ASTN2: variants seen among roughly 807,000 people sequenced by gnomAD.
The protein encoded by ASTN2 is astrotactin-2.
In ASTN2, 54 loss-of-function variants were observed where a neutral mutation model predicts 139.8. The ratio of observed to expected loss-of-function variants is 0.39; its 90% CI spans 0.31 to 0.48. The LOEUF (loss-of-function observed/expected upper bound fraction) is 0.48. Ranked by LOEUF, ASTN2 falls within the 20% of genes least tolerant of loss-of-function variation. The pLI is 0.95. For synonymous variants in ASTN2, 756 were observed against 719.5 expected, an observed-to-expected ratio of 1.05 and a Z score of -0.81; for missense variants, 1,565 against 1,725.1, an observed-to-expected ratio of 0.91 and a Z score of 1.64.
At chr9:116,685,929 A>C (rs1021325912) in intron 16 of ASTN2, among the ~76,000 whole-genome samples, 49 of 152,062 alleles carry the variant, frequency 3.2e-4, no homozygotes, top group Non-Finnish European at 7.1e-4. Flanking sequence ...AACAGTCCTA[A>C]ATTTATACTT....
chr9:117,401,476 C>T (rs1468918682), intron 1 of ASTN2, among the ~76,000 whole-genome samples: 1 of 152,076 alleles, frequency 6.6e-6, no homozygotes, highest in Non-Finnish European at 1.5e-5. Context: ...TAGGATTTTG[C>T]AGACACTGAA....
intron 2 of ASTN2, among the ~76,000 whole-genome samples, chr9:117,254,709 C>A (rs541908160): frequency 3.4e-4 from 52 of 152,196 alleles, no homozygotes; most frequent in African/African-American, 1.2e-3. Flanking sequence ...TTTTTCACAT[C>A]AAAAAATACT....
At chr9:116,773,778 T>C (rs1830012036) in intron 13 of ASTN2, among the ~76,000 whole-genome samples, 1 of 152,186 alleles carries the variant, frequency 6.6e-6, no homozygotes, top group Non-Finnish European at 1.5e-5. Flanking sequence ...AAGTGAGGGA[T>C]AGAAAACCCA....
chr9:116,494,227 T>A (rs919517078), intron 19 of ASTN2, among the ~76,000 whole-genome samples: 2 of 152,104 alleles, frequency 1.3e-5, no homozygotes, highest in Non-Finnish European at 2.9e-5. Context: ...GACCTACCAC[T>A]TATGAACTAT....
At chr9:116,849,307 G>T (rs569546195) in intron 11 of ASTN2, among the ~76,000 whole-genome samples, 160 of 152,260 alleles carry the variant, frequency 1.1e-3, no homozygotes, top group Non-Finnish European at 1.8e-3. Context: ...CAGTTCAGAG[G>T]TTGGGGGTGG....
At chr9:116,580,299 T>C (rs1853897846) in intron 19 of ASTN2, among the ~76,000 whole-genome samples, 1 of 151,970 alleles carries the variant, frequency 6.6e-6, no homozygotes, top group Admixed American at 6.6e-5. Context: ...CAGGAAGACT[T>C]GAAATAAGGA....
chr9:116,569,751 C>T (rs747207391), intron 19 of ASTN2, among the ~76,000 whole-genome samples: 3 of 152,162 alleles, frequency 2.0e-5, no homozygotes, highest in Admixed American at 2.0e-4. Context: ...AGAGCTGAAC[C>T]GCCCAAGGAC....
rs748106080 is a variant in ASTN2 at position 116,698,525 on chromosome 9, G to A, written c.2806+27246C>T. ...TACTGGAGGAGACAGCTGATGAGGA[G>A]GAGCCAGAGCTCACTGCCAGCTTGC... On this transcript the variant is annotated intron_variant, in intron 16 of 22. Coordinates refer to ENST00000313400, the MANE Select transcript of ASTN2 (RefSeq NM_001365068.1). The surrounding 1 kb of genome is among the most constrained non-coding windows in gnomAD (Gnocchi z 4.4). 1.2e-6 allele frequency: 2 copies of A among 1,613,800 alleles called. No individual in the cohort carries two copies. Among genetic ancestry groups the A allele is most frequent in the South Asian group, 1.1e-5 (1 of 91,042 alleles).
At chr9:116,436,748 A>C (rs1210568935) in intron 22 of ASTN2, among the ~76,000 whole-genome samples, 1 of 152,140 alleles carries the variant, frequency 6.6e-6, no homozygotes, top group Admixed American at 6.5e-5. Context: ...TGCTATAAAG[A>C]CACATGCACA....
At chr9:117,108,410 C>T (rs181410481) in intron 4 of ASTN2, among the ~76,000 whole-genome samples, 29 of 139,004 alleles carry the variant, frequency 2.1e-4, no homozygotes, top group Non-Finnish European at 3.9e-4. Flanking sequence ...TACAATTGTG[C>T]CCTTTGGAAA....
intron 2 of ASTN2, among the ~76,000 whole-genome samples, chr9:117,267,015 T>G (rs1245637004): frequency 1.3e-5 from 2 of 152,206 alleles, no homozygotes; most frequent in African/African-American, 4.8e-5. Flanking sequence ...TGGAGAAACC[T>G]GGCAGCCACC....
chr9:117,105,950 A>G (rs1029670874), intron 4 of ASTN2, among the ~76,000 whole-genome samples: 1 of 152,216 alleles, frequency 6.6e-6, no homozygotes, highest in African/African-American at 2.4e-5. Context: ...GAGACACTAC[A>G]GATGCCTTGG....
intron 17 of ASTN2, among the ~76,000 whole-genome samples, chr9:116,641,811 G>A (rs941999821): frequency 1.3e-5 from 2 of 152,046 alleles, no homozygotes; most frequent in African/African-American, 2.4e-5. Flanking sequence ...TTGACCATGA[G>A]TGTGTTGAGT....
chr9:116,666,544 T>A (rs1289441078), intron 16 of ASTN2, among the ~76,000 whole-genome samples: 1 of 152,212 alleles, frequency 6.6e-6, no homozygotes, highest in East Asian at 1.9e-4. Context: ...GTCCGCTAGA[T>A]CTTGTCATTA....
intron 1 of ASTN2, among the ~76,000 whole-genome samples, chr9:117,396,086 T>C (rs1830669253): frequency 6.6e-6 from 1 of 152,146 alleles, no homozygotes; most frequent in Non-Finnish European, 1.5e-5. Flanking sequence ...CAATGGCAAT[T>C]GCTGAGGAAT....
At chr9:116,768,959 T>G (rs1262028580) in intron 13 of ASTN2, among the ~76,000 whole-genome samples, 1 of 152,200 alleles carries the variant, frequency 6.6e-6, no homozygotes, top group African/African-American at 2.4e-5. Flanking sequence ...GACTCAACTG[T>G]GAGGTGTATT....
chr9:116,616,617 G>A (rs994960106), intron 19 of ASTN2, among the ~76,000 whole-genome samples: 9 of 148,694 alleles, frequency 6.1e-5, no homozygotes, highest in African/African-American at 2.1e-4. Flanking sequence ...TTTTTTATTT[G>A]TTTGTTTTAA....
intron 1 of ASTN2, among the ~76,000 whole-genome samples, chr9:117,324,105 G>A (rs1041843217): frequency 6.6e-6 from 1 of 152,164 alleles, no homozygotes; most frequent in African/African-American, 2.4e-5. Context: ...GGTGGCTATG[G>A]AAGGTGAAAA....
intron 1 of ASTN2, among the ~76,000 whole-genome samples, chr9:117,352,113 T>C (rs745864885): frequency 1.2e-4 from 18 of 152,180 alleles, no homozygotes; most frequent in African/African-American, 1.2e-4. Context: ...AAACAGTCCC[T>C]TGAATCTCAC....
Sources: gnomAD v4.1 joint callset for allele counts (sites outside exome capture counted in the v4.1 genomes callset) on GRCh38, gnomAD v4.1.1 for gene constraint, Gnocchi (gnomAD v3.1) non-coding constraint, MANE v1.5 for transcripts, NCBI Gene and HGNC (gene_info 2026-07-23, HGNC 2026-07-21) for gene names.